The following EPSTI1 variants were observed in gnomAD, a reference collection of about 807,000 sequenced individuals.
EPSTI1 encodes the protein epithelial-stromal interaction protein 1.
A neutral mutation model predicts 49.9 loss-of-function variants in EPSTI1; 66 were observed. The ratio of observed to expected loss-of-function variants is 1.32; its 90% CI spans 1.08 to 1.62. The LOEUF (loss-of-function observed/expected upper bound fraction) is 1.62. Among genes scored for constraint, EPSTI1 ranks in the 40% most tolerant of loss-of-function variants. EPSTI1 has a pLI of 0.00. For synonymous variants in EPSTI1, 137 were observed against 130.7 expected (o/e 1.05, Z -0.33); for missense variants, 394 against 365.5 (o/e 1.08, Z -0.64).
At chr13:42,950,193 T>G (rs1437618242) in intron 6 of EPSTI1, among the ~76,000 whole-genome samples, 1 of 152,242 alleles carries the variant, frequency 6.6e-6, no homozygotes, top group East Asian at 1.9e-4. Flanking sequence ...GCAGACTTAA[T>G]GCACCATTAA....
intron 10 of EPSTI1, among the ~76,000 whole-genome samples, chr13:42,890,349 C>T (rs2036998145): frequency 7.2e-6 from 1 of 139,292 alleles, no homozygotes; most frequent in Non-Finnish European, 1.5e-5. Flanking sequence ...CCAGGCTGGA[C>T]TGTGGTGGCG....
chr13:42,966,388 GC>G lies in EPSTI1; in HGVS notation c.332-2250del, dbSNP rs1270154957. ...CATTTAGGAAGTGAGGAGCGTCTCT[GC>G]CCGGCCGCCCATCGTCTGAAATGTG... On this transcript the variant is annotated intron_variant, in intron 3 of 10. Transcript: ENST00000313624. Among the ~76,000 whole-genome samples the G allele has an allele frequency of 7.1e-5, 2 of 28,012 alleles. 1 individual carries two copies. Among genetic ancestry groups the G allele is most frequent in the Non-Finnish European group, 1.3e-4 (2 of 15,092 alleles). The allele number at this position is 28,012 out of a possible 152,430, so 18.4% of individuals were successfully genotyped here.
intron 6 of EPSTI1, among the ~76,000 whole-genome samples, chr13:42,928,395 T>C (rs927283277): frequency 3.9e-5 from 6 of 152,168 alleles, no homozygotes; most frequent in Non-Finnish European, 8.8e-5. Flanking sequence ...GAAAACATCC[T>C]CGTGGGAAGT....
Position 42,925,357 on chromosome 13 carries a change from T to G in EPSTI1, c.657+979A>C, listed in dbSNP as rs6561095. Reference sequence around the variant, plus strand: ...GGGGTTTAGGTTTTCCAAGGTGGCATGCAAATTTCTGTGGTGGTTTTCTAC... The same window carrying G: ...GGGGTTTAGGTTTTCCAAGGTGGCAGGCAAATTTCTGTGGTGGTTTTCTAC... On this transcript the variant is annotated intron_variant, in intron 7 of 10. Transcript: ENST00000313624. Among the ~76,000 whole-genome samples the G allele has an allele frequency of 8.8e-3, 1,340 of 152,294 alleles. 24 individuals carry two copies. The highest frequency in any genetic ancestry group is 0.03 in the African/African-American group (1,239 of 41,554).
At chr13:42,944,525 G>T (rs1217136578) in intron 6 of EPSTI1, among the ~76,000 whole-genome samples, 1 of 152,108 alleles carries the variant, frequency 6.6e-6, no homozygotes, top group Non-Finnish European at 1.5e-5. Context: ...GTAATGGGGT[G>T]GGGGGCTAGG....
At chr13:42,986,530 G>T (rs994820713) in intron 1 of EPSTI1, among the ~76,000 whole-genome samples, 5 of 152,092 alleles carry the variant, frequency 3.3e-5, no homozygotes, top group Non-Finnish European at 7.4e-5. Flanking sequence ...GGATCACAAG[G>T]TCAGGAGTTC....
intron 6 of EPSTI1, among the ~76,000 whole-genome samples, chr13:42,950,641 C>T (rs1038133986): frequency 6.6e-6 from 1 of 152,142 alleles, no homozygotes; most frequent in Non-Finnish European, 1.5e-5. Flanking sequence ...CCGCTCAAGT[C>T]CATGGTTGTC....
rs529256234 is a variant in EPSTI1, at chr13:42,899,267, A to G, written c.815+1043T>C. Among the ~76,000 whole-genome samples the G allele has an allele frequency of 2.0e-5, 3 of 152,256 alleles. No homozygotes were observed. In the South Asian group the frequency reaches 6.2e-4, roughly 32 times the overall value. On this transcript the variant is annotated intron_variant, in intron 9 of 10. Transcript: ENST00000313624. The stretch of plus-strand genomic sequence containing the variant: ...AAATGGCTAAATTATGGCCTACTTT[A>G]TAATAAATAAGTAGTTAGCATGCTT...
chr13:42,927,175 T>C (rs113540271), intron 6 of EPSTI1, among the ~76,000 whole-genome samples: 206 of 152,180 alleles, frequency 1.4e-3, no homozygotes, highest in Non-Finnish European at 1.9e-3. Context: ...TCAGTTTAAA[T>C]AAGAAGTTCT....
intron 1 of EPSTI1, among the ~76,000 whole-genome samples, chr13:42,975,967 A>G (rs1227676069): frequency 1.3e-5 from 2 of 152,238 alleles, no homozygotes; most frequent in African/African-American, 4.8e-5. Context: ...TACTTACAAA[A>G]TGTCTTGTAA....
rs150112480 is a variant in EPSTI1, at chr13:42,963,600, C to G, written c.406-262G>C. 1.9e-3 allele frequency: 936 copies of G among 503,584 alleles called. 6 individuals are homozygous for G. The highest frequency in any genetic ancestry group is 0.016 in the African/African-American group (830 of 51,220). The allele number at this position is 503,584 out of a possible 1,614,324, so 31.2% of individuals were successfully genotyped here. ...TGTCTTTGTCTATCTCTGTCTCTCT[C>G]TGTGTGTATGTGTGTGTGGTGTGTG... On this transcript the variant is annotated intron_variant, in intron 4 of 10. Coordinates refer to ENST00000313624, the MANE Select transcript of EPSTI1 (RefSeq NM_033255.5).
intron 3 of EPSTI1, among the ~76,000 whole-genome samples, chr13:42,964,392 T>C (rs1174700373): frequency 6.6e-6 from 1 of 152,142 alleles, no homozygotes; most frequent in Non-Finnish European, 1.5e-5. Flanking sequence ...TTTTCAATCA[T>C]GTAGGTATTA....
chr13:42,929,459 C>A (rs576529351), intron 6 of EPSTI1, among the ~76,000 whole-genome samples: 16 of 152,192 alleles, frequency 1.1e-4, no homozygotes, highest in Non-Finnish European at 1.3e-4. Context: ...CCAAAATTAC[C>A]CAACCAAAGC....
chr13:42,923,390 G>A (rs1470717293), intron 7 of EPSTI1, among the ~76,000 whole-genome samples: 4 of 152,086 alleles, frequency 2.6e-5, no homozygotes, highest in Admixed American at 6.5e-5. Flanking sequence ...GCAAAACCCT[G>A]TCTCTACAAA....
intron 7 of EPSTI1, among the ~76,000 whole-genome samples, chr13:42,921,961 C>T (rs2038012714): frequency 6.6e-6 from 1 of 152,058 alleles, no homozygotes; most frequent in Non-Finnish European, 1.5e-5. Context: ...GTCACAAAAG[C>T]TGTCAGAAGA....
intron 8 of EPSTI1, among the ~76,000 whole-genome samples, chr13:42,907,430 AAAC>A (rs2037527797): frequency 6.6e-6 from 1 of 152,234 alleles, no homozygotes; most frequent in Non-Finnish European, 1.5e-5. Flanking sequence ...TGTTAAAAAT[AAAC>A]AACCTTGTAC....
intron 6 of EPSTI1, among the ~76,000 whole-genome samples, chr13:42,938,381 T>A (rs2038635307): frequency 6.6e-6 from 1 of 152,114 alleles, no homozygotes; most frequent in Admixed American, 6.5e-5. Context: ...AGAGGTGCTG[T>A]CATCTAGGCT....
At chr13:42,958,982 C>A (rs566236660) in intron 5 of EPSTI1, among the ~76,000 whole-genome samples, 1 of 152,114 alleles carries the variant, frequency 6.6e-6, no homozygotes, top group Non-Finnish European at 1.5e-5. Context: ...ATACTCTCTA[C>A]GCCCCCCTTC....
chr13:42,938,914 CAAAAA>C (rs57079104), intron 6 of EPSTI1, among the ~76,000 whole-genome samples: 1 of 59,676 alleles, frequency 1.7e-5, no homozygotes, highest in African/African-American at 7.1e-5. Flanking sequence ...GACTCTGTCT[CAAAAA>C]AAAAAAAAAA....
Sources: allele counts gnomAD v4.1 joint callset (sites outside exome capture counted in the v4.1 genomes callset), GRCh38; gene constraint gnomAD v4.1.1; transcripts MANE v1.5; gene names NCBI Gene and HGNC (gene_info 2026-07-23, HGNC 2026-07-21).